The following REPS2 variants were observed in gnomAD, a reference collection of about 807,000 sequenced individuals.
REPS2 encodes the protein RALBP1 associated Eps domain containing 2.
Under a neutral mutation model 53.6 loss-of-function variants are expected in REPS2, and 23 were observed. The ratio of observed to expected loss-of-function variants is 0.43; its 90% CI spans 0.31 to 0.61. The LOEUF is 0.61. Among genes scored for constraint, REPS2 ranks in the 20% least tolerant of loss-of-function variants. REPS2 has a pLI of 0.11. For missense variants in REPS2, 446 were observed against 534.9 expected, an observed-to-expected ratio of 0.83 and a Z score of 1.64; for synonymous variants, 238 against 218.6, an observed-to-expected ratio of 1.09 and a Z score of -0.78.
chrX:17,074,385 GC>G, intron 12 of REPS2: 2 of 343,194 alleles, frequency 5.8e-6, no homozygotes, highest in Non-Finnish European at 1.0e-5. Context: ...ATGCCCTACG[GC>G]CCCTCAACGT....
the REPS2 span, among the ~76,000 whole-genome samples, chrX:17,195,710 A>G: frequency 5.3e-5 from 6 of 112,463 alleles, no homozygotes; most frequent in South Asian, 2.2e-3. Context: ...TCTTCTAAAT[A>G]AGGAGTATTC....
At chrX:16,976,756 T>A (rs1331026661) in intron 1 of REPS2, among the ~76,000 whole-genome samples, 2 of 112,071 alleles carry the variant, frequency 1.8e-5, no homozygotes, top group African/African-American at 6.5e-5. Flanking sequence ...AATAGCACTA[T>A]AAACTATAGA....
chrX:17,063,663 T>C (rs2062187161), intron 9 of REPS2, among the ~76,000 whole-genome samples: 1 of 111,977 alleles, frequency 8.9e-6, no homozygotes, highest in Non-Finnish European at 1.9e-5. Context: ...TAAAATTTTT[T>C]TTTTCTGCAG....
At chrX:17,177,852 T>TG in the REPS2 span, among the ~76,000 whole-genome samples, 4 of 111,323 alleles carry the variant, frequency 3.6e-5, no homozygotes, top group African/African-American at 1.3e-4. Context: ...TATCAGGAGT[T>TG]GGGGGAGAAG....
the REPS2 span, among the ~76,000 whole-genome samples, chrX:17,188,040 GTTT>G: frequency 3.6e-5 from 4 of 111,803 alleles, no homozygotes; most frequent in African/African-American, 1.3e-4. Context: ...CTGAGTTCAA[GTTT>G]CTTCTTGGTT....
At position 16,951,550 on chromosome X, in the gene REPS2, C is replaced by CAA. The variant is rs1569083735; in HGVS notation, c.273+4417_273+4418insAA. On this transcript the variant is annotated intron_variant, in intron 1 of 17. Coordinates refer to ENST00000357277, the MANE Select transcript of REPS2 (RefSeq NM_004726.3). ...ACACACACACACACACACACACACA[C>CAA]ACACACACACCCCCGCTACCTACCT... Among the ~76,000 whole-genome samples the CAA allele has an allele frequency of 3.4e-3, 109 of 32,003 alleles. 1 individual carries two copies. The highest frequency in any genetic ancestry group is 6.8e-3 in the African/African-American group (104 of 15,306). The allele number at this position is 32,003 out of a possible 115,157, so 27.8% of individuals were successfully genotyped here.
At chrX:17,125,544 G>A (rs2063198056) in intron 14 of REPS2, among the ~76,000 whole-genome samples, 1 of 112,434 alleles carries the variant, frequency 8.9e-6, no homozygotes, top group African/African-American at 3.2e-5. Context: ...CTACAAATCT[G>A]AATTTATAAA....
intron 1 of REPS2, among the ~76,000 whole-genome samples, chrX:16,949,519 C>T (rs1000674307): frequency 5.4e-5 from 6 of 112,133 alleles, no homozygotes; most frequent in African/African-American, 9.7e-5. Flanking sequence ...GCGATTCTTC[C>T]GCCTCAGCCT....
At chrX:17,106,514 C>T (rs754813280) in intron 14 of REPS2, among the ~76,000 whole-genome samples, 2 of 108,174 alleles carry the variant, frequency 1.8e-5, no homozygotes, top group South Asian at 4.2e-4. Context: ...CCCGGGTGCA[C>T]GCCATTCTCC....
chrX:17,020,484 T>C (rs116224496), intron 2 of REPS2, among the ~76,000 whole-genome samples: 3,772 of 111,765 alleles, frequency 0.034, 176 homozygotes, highest in African/African-American at 0.12. Flanking sequence ...GTTTCTTTTC[T>C]CTTGCTTTTT....
At chrX:16,979,635 ATTTG>A (rs1450971705) in intron 1 of REPS2, among the ~76,000 whole-genome samples, 2 of 111,801 alleles carry the variant, frequency 1.8e-5, no homozygotes, top group Non-Finnish European at 3.8e-5. Flanking sequence ...GTTACTTATT[ATTTG>A]TTTATTACCA....
intron 16 of REPS2, chrX:17,138,210 ATGCGTGGTCACTC>A (rs2063396718): frequency 8.9e-6 from 1 of 112,455 alleles, no homozygotes; most frequent in Admixed American, 9.4e-5. Flanking sequence ...GCGCAGTAGG[ATGCGTGGTCACTC>A]TGGTTATGCG....
intron 1 of REPS2, among the ~76,000 whole-genome samples, chrX:16,973,863 T>A (rs1175200572): frequency 1.8e-5 from 2 of 111,108 alleles, no homozygotes; most frequent in African/African-American, 6.5e-5. Context: ...ATCACATACA[T>A]CATGTTCTTC....
chrX:17,133,512 C>T (rs914583635), intron 14 of REPS2, among the ~76,000 whole-genome samples: 2 of 111,773 alleles, frequency 1.8e-5, no homozygotes, highest in African/African-American at 6.5e-5. Flanking sequence ...CCTGTTTTTC[C>T]GATAAGCCTT....
intron 8 of REPS2, among the ~76,000 whole-genome samples, chrX:17,059,874 G>T (rs1420619910): frequency 9.1e-6 from 1 of 110,414 alleles, no homozygotes; most frequent in East Asian, 2.8e-4. Context: ...GGACAGAGTT[G>T]TATTAGTTGG....
chrX:16,950,750 T>C (rs1174179132), intron 1 of REPS2, among the ~76,000 whole-genome samples: 1 of 112,638 alleles, frequency 8.9e-6, no homozygotes, highest in African/African-American at 3.2e-5. Context: ...AAATATAACA[T>C]CCAAAAATAA....
intron 1 of REPS2, among the ~76,000 whole-genome samples, chrX:16,973,549 T>G (rs2147702727): frequency 8.9e-6 from 1 of 112,255 alleles, no homozygotes; most frequent in African/African-American, 3.2e-5. Flanking sequence ...TTTCAGGAGC[T>G]TAACACAACA....
intron 5 of REPS2, among the ~76,000 whole-genome samples, chrX:17,040,310 A>T (rs2061815039): frequency 8.9e-6 from 1 of 112,682 alleles, no homozygotes; most frequent in Admixed American, 9.4e-5. Context: ...ATTATGTGAT[A>T]AATGCATATA....
intron 1 of REPS2, among the ~76,000 whole-genome samples, chrX:16,976,884 G>A (rs1231816021): frequency 2.7e-5 from 3 of 111,588 alleles, no homozygotes; most frequent in Non-Finnish European, 5.6e-5. Flanking sequence ...ATGGTGTTGG[G>A]TATCTCTTTT....
Sources: allele counts gnomAD v4.1 joint callset (sites outside exome capture counted in the v4.1 genomes callset), GRCh38; gene constraint gnomAD v4.1.1; transcripts MANE v1.5; gene names NCBI Gene and HGNC (gene_info 2026-07-23, HGNC 2026-07-21).